The following DLC1 variants were observed in gnomAD, a reference collection of about 807,000 sequenced individuals.
DLC1 encodes rho GTPase-activating protein 7.
In DLC1, 54 loss-of-function variants were observed where a neutral mutation model predicts 140.3. That is an observed-to-expected ratio of 0.38 (90% CI 0.31 to 0.48). The LOEUF (loss-of-function observed/expected upper bound fraction) is 0.48, where lower values mean the gene tolerates loss of function less well. DLC1 is among the 20% of genes least tolerant of loss of function. DLC1 has a pLI of 0.96. For missense variants in DLC1, 2,536 were observed against 1,907.0 expected (o/e 1.33, Z -6.14); for synonymous variants, 986 against 728.1 (o/e 1.35, Z -5.70).
At chr8:13,410,159 A>C (rs12155538) in intron 2 of DLC1, among the ~76,000 whole-genome samples, 15,353 of 152,150 alleles carry the variant, frequency 0.1, 999 homozygotes, top group Middle Eastern at 0.19. Context: ...ATGTTTTGCT[A>C]GTGATTACAA....
At chr8:13,378,708 C>T (rs780047351) in intron 4 of DLC1, among the ~76,000 whole-genome samples, 5 of 152,176 alleles carry the variant, frequency 3.3e-5, no homozygotes, top group Admixed American at 1.3e-4. Context: ...AGTCTTTCAT[C>T]AGCCTGAAAG....
intron 5 of DLC1, among the ~76,000 whole-genome samples, chr8:13,294,413 A>T (rs1471628213): frequency 4.6e-5 from 7 of 152,200 alleles, no homozygotes; most frequent in African/African-American, 1.7e-4. Context: ...ACCAGTTCAG[A>T]CTTGATGTGC....
intron 5 of DLC1, among the ~76,000 whole-genome samples, chr8:13,132,443 T>C (rs1279147791): frequency 6.6e-6 from 1 of 151,916 alleles, no homozygotes; most frequent in African/African-American, 2.4e-5. Flanking sequence ...AAAAAAAAAT[T>C]TCCAAGCGCC....
chr8:13,436,673 T>C (rs968052604), intron 2 of DLC1, among the ~76,000 whole-genome samples: 4 of 152,246 alleles, frequency 2.6e-5, no homozygotes, highest in African/African-American at 7.2e-5. Flanking sequence ...GGAAATTGTA[T>C]TTTCCCAGAG....
chr8:13,437,941 T>G (rs1262160952), intron 2 of DLC1, among the ~76,000 whole-genome samples: 2 of 143,664 alleles, frequency 1.4e-5, no homozygotes, highest in Non-Finnish European at 3.1e-5. Context: ...TCCAGGAAAC[T>G]AAAAAAAAAA....
At chr8:13,561,644 A>G (rs1479933932) in intron 1 of DLC1, among the ~76,000 whole-genome samples, 1 of 152,122 alleles carries the variant, frequency 6.6e-6, no homozygotes, top group East Asian at 1.9e-4. Context: ...CTATTCATTT[A>G]CCTGCTTATC....
At chr8:13,130,607 G>C (rs1821999544) in intron 5 of DLC1, among the ~76,000 whole-genome samples, 1 of 152,210 alleles carries the variant, frequency 6.6e-6, no homozygotes. Flanking sequence ...ATTAAAATTT[G>C]AAACACTGCC....
intron 1 of DLC1, among the ~76,000 whole-genome samples, chr8:13,506,911 C>G (rs1317762210): frequency 1.3e-5 from 2 of 152,042 alleles, no homozygotes; most frequent in African/African-American, 2.4e-5. Flanking sequence ...ACCTGAATAT[C>G]TGGTAATGAT....
intron 2 of DLC1, among the ~76,000 whole-genome samples, chr8:13,484,675 G>A (rs753391085): frequency 1.3e-5 from 2 of 152,040 alleles, no homozygotes; most frequent in Non-Finnish European, 2.9e-5. Flanking sequence ...TTAAAATGCA[G>A]AAGGGTGTTA....
At chr8:13,274,855 C>G (rs1471426635) in intron 5 of DLC1, among the ~76,000 whole-genome samples, 1 of 152,076 alleles carries the variant, frequency 6.6e-6, no homozygotes, top group African/African-American at 2.4e-5. Context: ...TTAAACAAGA[C>G]AAATATGAAG....
intron 5 of DLC1, among the ~76,000 whole-genome samples, chr8:13,174,469 T>G (rs1230961681): frequency 6.6e-6 from 1 of 152,214 alleles, no homozygotes; most frequent in South Asian, 2.1e-4. Context: ...TGAACTAAGG[T>G]ACATTCCTAC....
At chr8:13,180,283 A>G (rs1367507678) in intron 5 of DLC1, among the ~76,000 whole-genome samples, 1 of 152,162 alleles carries the variant, frequency 6.6e-6, no homozygotes, top group Non-Finnish European at 1.5e-5. Flanking sequence ...TATTAGTTGT[A>G]TATGTATCTC....
intron 4 of DLC1, among the ~76,000 whole-genome samples, chr8:13,343,305 G>A (rs1421461506): frequency 5.3e-5 from 8 of 152,266 alleles, no homozygotes; most frequent in African/African-American, 1.7e-4. Context: ...AGAAAGTGAT[G>A]GCTCATAGTC....
At chr8:13,511,831 A>G (rs145242687) in intron 1 of DLC1, among the ~76,000 whole-genome samples, 1 of 152,262 alleles carries the variant, frequency 6.6e-6, no homozygotes, top group East Asian at 1.9e-4. Flanking sequence ...TCATTTTATA[A>G]CACTGACATC....
intron 5 of DLC1, among the ~76,000 whole-genome samples, chr8:13,161,076 G>A (rs761332925): frequency 8.5e-5 from 13 of 152,154 alleles, no homozygotes; most frequent in Non-Finnish European, 1.6e-4. Flanking sequence ...GCGAGACTCC[G>A]TCTCAAAAAG....
intron 2 of DLC1, among the ~76,000 whole-genome samples, chr8:13,477,623 C>G (rs972112470): frequency 2.0e-5 from 3 of 152,252 alleles, no homozygotes; most frequent in Non-Finnish European, 2.9e-5. Context: ...TCTGATTAGA[C>G]TGTGTAGAAT....
At position 13,085,703 on chromosome 8, in the gene DLC1, G is replaced by T; in HGVS notation, c.*108C>A. 1.3e-6 allele frequency: 2 copies of T among 1,506,882 alleles called. No individual in the cohort carries two copies. The highest frequency in any genetic ancestry group is 4.6e-5 in the East Asian group (2 of 43,928). The allele number at this position is 1,506,882 out of a possible 1,614,324, so 93.3% of individuals were successfully genotyped here. On this transcript the variant is annotated 3_prime_UTR_variant, in exon 18 of 18. Coordinates refer to ENST00000276297, the MANE Select transcript of DLC1 (RefSeq NM_182643.3). Reference sequence around the variant, plus strand: ...ATAGTCAATTCCTACACTCCAGCTTGTAGTTTTCTTTGTTTCAGGATTAGA... The same window carrying T: ...ATAGTCAATTCCTACACTCCAGCTTTTAGTTTTCTTTGTTTCAGGATTAGA...
chr8:13,095,408 G>A, intron 10 of DLC1, 163 bp from the exon 11 acceptor site: 1 of 819,260 alleles, frequency 1.2e-6, no homozygotes, highest in Non-Finnish European at 1.9e-6. Flanking sequence ...TTCCCCAGTG[G>A]TACTGGCCAC....
intron 1 of DLC1, among the ~76,000 whole-genome samples, chr8:13,510,806 T>G (rs565940347): frequency 6.6e-6 from 1 of 152,300 alleles, no homozygotes; most frequent in Non-Finnish European, 1.5e-5. Context: ...GAACTTGAAA[T>G]GTCATCTAAT....
Sources: allele counts gnomAD v4.1 joint callset (sites outside exome capture counted in the v4.1 genomes callset), GRCh38; gene constraint gnomAD v4.1.1; transcripts MANE v1.5; gene names NCBI Gene and HGNC (gene_info 2026-07-23, HGNC 2026-07-21).